Variants in EIF3A observed in about 807,000 individuals in gnomAD.
EIF3A encodes EIF3, p180 subunit.
EIF3A carries 21 observed loss-of-function variants against 186.6 expected under a neutral mutation model. The observed-to-expected ratio is 0.11, with a 90% confidence interval of 0.08 to 0.16. EIF3A has a LOEUF of 0.16. Among genes scored for constraint, EIF3A ranks in the 10% least tolerant of loss-of-function variants. The probability of loss-of-function intolerance (pLI) is 1.00; values close to 1 mark genes in which losing one functional copy is unlikely to be tolerated. For synonymous variants in EIF3A, 563 were observed against 584.3 expected, an observed-to-expected ratio of 0.96 and a Z score of 0.52; for missense variants, 1,306 against 1,796.3, an observed-to-expected ratio of 0.73 and a Z score of 4.93.
rs1316752214 is a variant in EIF3A at position 119,038,562 on chromosome 10, TA to T, written c.3527-124del. ...CTAAATGCTAATTTAAGACACTGAT[TA>T]AAAAAATACTAAAGCTGTGTACATC... On this transcript the variant is annotated intron_variant, in intron 19 of 21. Coordinates refer to ENST00000369144, the MANE Select transcript of EIF3A (RefSeq NM_003750.4). 2.2e-5 allele frequency: 17 copies of T among 779,100 alleles called. 1 individual carries two copies. Among genetic ancestry groups the T allele is most frequent in the South Asian group, 1.6e-4 (9 of 57,172 alleles). The allele number at this position is 779,100 out of a possible 1,614,324, so 48.3% of individuals were successfully genotyped here.
chr10:119,071,502 T>A (rs901357470), intron 4 of EIF3A, among the ~76,000 whole-genome samples: 4 of 152,202 alleles, frequency 2.6e-5, no homozygotes, highest in African/African-American at 9.6e-5. Context: ...AATTGAGGGC[T>A]TATAGTAACC....
chr10:119,052,376 G>GTGTGTGTGTGTGTGTGTGTGTGTC (rs1848369354), intron 14 of EIF3A, among the ~76,000 whole-genome samples: 1 of 148,476 alleles, frequency 6.7e-6, no homozygotes, highest in Non-Finnish European at 1.5e-5. Context: ...TTTTGTGTGT[G>GTGTGTGTGTGTGTGTGTGTGTGTC]TGTGTGTGTG....
chr10:119,050,353 C>A lies in EIF3A; in HGVS notation c.2473+168G>T, dbSNP rs74157622. 7.6e-3 allele frequency among the ~76,000 whole-genome samples: 1,155 copies of A among 152,206 alleles called. 21 individuals are homozygous for A. The highest frequency in any genetic ancestry group is 0.027 in the African/African-American group (1,115 of 41,514). The stretch of plus-strand genomic sequence containing the variant: ...AAATGTGTGGGGAAATGCTGGCAGA[C>A]GATGTAACAACTTCACATACAGCAA... On this transcript the variant is annotated intron_variant, in intron 16 of 21. Transcript: ENST00000369144.
chr10:119,050,502 T>C lies in EIF3A; in HGVS notation c.2473+19A>G. ...CAACCTTGCATTAGCACCCCTCCAA[T>C]CCTGTTTGACCTGTGTACCTTTTAG... On this transcript the variant is annotated intron_variant, in intron 16 of 21. Transcript: ENST00000369144. The C allele has an allele frequency of 6.2e-7, 1 of 1,610,588 alleles. No individual in the cohort carries two copies. Among genetic ancestry groups the C allele is most frequent in the Non-Finnish European group, 8.5e-7 (1 of 1,177,438 alleles).
intron 1 of EIF3A, among the ~76,000 whole-genome samples, chr10:119,078,687 C>A (rs748375603): frequency 2.0e-5 from 3 of 152,146 alleles, no homozygotes; most frequent in Non-Finnish European, 4.4e-5. Context: ...TAAAAAGCTA[C>A]ACAAACAAAA....
rs202038940 is a variant in EIF3A, at chr10:119,044,055, T to G, written c.2746A>C (p.Lys916Gln). ...DSEWRRGPPE[K>Q]EWRRGEGRDE... ...ATTATTTTCCTCAACTCTACTTACTTCTCTGGCGGGCCTCTTCTCCACTCA... is the reference window on the plus strand; with the variant it reads ...ATTATTTTCCTCAACTCTACTTACTGCTCTGGCGGGCCTCTTCTCCACTCA... Residue 916 changes from lysine (K) to glutamine (Q), a missense_variant and splice_region_variant, in exon 18 of 22, where the codon AAG becomes CAG. Transcript: ENST00000369144. The G allele has an allele frequency of 5.6e-6, 9 of 1,610,704 alleles. No individual in the cohort carries two copies. The Admixed American group carries it at 1.0e-4, about 18-fold the overall frequency.
chr10:119,067,789 G>T (rs1213682349), intron 6 of EIF3A, among the ~76,000 whole-genome samples: 2 of 152,086 alleles, frequency 1.3e-5, no homozygotes, highest in South Asian at 2.1e-4. Flanking sequence ...AAAACAGGTG[G>T]TATGTGTGTT....
chr10:119,059,499 A>T, intron 10 of EIF3A, 102 bp from the exon 11 acceptor site: 1 of 1,285,394 alleles, frequency 7.8e-7, no homozygotes, highest in Non-Finnish European at 1.1e-6. Context: ...TTCACTCAGT[A>T]AACTTTAAAA....
At chr10:119,044,209 A>G (rs961938092) in intron 17 of EIF3A, 67 bp from the exon 18 acceptor site, 1 of 1,016,884 alleles carries the variant, frequency 9.8e-7, no homozygotes, top group African/African-American at 1.6e-5. Flanking sequence ...TACTGGTATT[A>G]CCATTCAAAT....
chr10:119,066,531 A>C lies in EIF3A; in HGVS notation c.951-961T>G, dbSNP rs559015268. 3.5e-3 allele frequency among the ~76,000 whole-genome samples: 525 copies of C among 149,744 alleles called. 2 individuals carry two copies. Among genetic ancestry groups the C allele is most frequent in the Middle Eastern group, 0.024 (7 of 288 alleles). ...AAAAAAAAAAAAAAAAAAAAAAAAA[A>C]AAAAAAAACCTAAGGAAGTAAGTGG... On this transcript the variant is annotated intron_variant, in intron 6 of 21. Coordinates refer to ENST00000369144, the MANE Select transcript of EIF3A (RefSeq NM_003750.4).
intron 17 of EIF3A, among the ~76,000 whole-genome samples, chr10:119,047,584 T>C (rs1589687122): frequency 6.6e-6 from 1 of 152,168 alleles, no homozygotes; most frequent in South Asian, 2.1e-4. Flanking sequence ...AGCTTCCTCA[T>C]GTTCCTAAGG....
At chr10:119,050,080 G>T in intron 16 of EIF3A, 95 bp from the exon 17 acceptor site, 1 of 1,193,826 alleles carries the variant, frequency 8.4e-7, no homozygotes, top group Non-Finnish European at 1.2e-6. Context: ...GTAGCATAAT[G>T]TACAAGTAAA....
At chr10:119,072,822 C>T (rs1844100563) in intron 4 of EIF3A, 68 bp downstream of exon 4, 2 of 1,533,832 alleles carry the variant, frequency 1.3e-6, no homozygotes, top group East Asian at 2.3e-5. Context: ...ATTTTAAGTA[C>T]TTTTCAGAAA....
At chr10:119,050,728 A>C in intron 15 of EIF3A, 54 bp from the exon 16 acceptor site, 1 of 1,586,922 alleles carries the variant, frequency 6.3e-7, no homozygotes, top group Non-Finnish European at 8.6e-7. Context: ...CAAGAGCAAC[A>C]AACTCGCAGA....
intron 1 of EIF3A, among the ~76,000 whole-genome samples, chr10:119,076,525 T>C (rs568466871): frequency 3.5e-4 from 50 of 141,928 alleles, no homozygotes; most frequent in African/African-American, 1.2e-3. Context: ...AGATGTAATA[T>C]ATAACTAGAT....
intron 6 of EIF3A, among the ~76,000 whole-genome samples, chr10:119,069,081 G>A (rs958235605): frequency 1.3e-5 from 2 of 151,974 alleles, no homozygotes; most frequent in African/African-American, 4.8e-5. Flanking sequence ...TCCGTTAAAT[G>A]TGTTTTTCCT....
At chr10:119,074,771 T>C (rs1453488162) in intron 1 of EIF3A, among the ~76,000 whole-genome samples, 1 of 151,192 alleles carries the variant, frequency 6.6e-6, no homozygotes, top group Non-Finnish European at 1.5e-5. Flanking sequence ...AAGTCTCTAC[T>C]AAAAATACAA....
intron 7 of EIF3A, among the ~76,000 whole-genome samples, chr10:119,064,595 A>G (rs1206056981): frequency 6.6e-6 from 1 of 151,986 alleles, no homozygotes; most frequent in Non-Finnish European, 1.5e-5. Context: ...CATGATGGTA[A>G]TTTTCCTGAG....
chr10:119,080,772 G>T lies in EIF3A; in HGVS notation c.-96C>A. On this transcript the variant is annotated 5_prime_UTR_variant, in exon 1 of 22. Coordinates refer to ENST00000369144, the MANE Select transcript of EIF3A (RefSeq NM_003750.4). ...GGGGAACCAGCGTAAGGTCCCACGCGCCTCGCCAGCAGTCGCCCGCGCCCA... is the reference window on the plus strand; with the variant it reads ...GGGGAACCAGCGTAAGGTCCCACGCTCCTCGCCAGCAGTCGCCCGCGCCCA... 1 of 1,477,230 alleles carries T rather than the reference G, an allele frequency of 6.8e-7. No individual in the cohort carries two copies. Among genetic ancestry groups the T allele is most frequent in the Non-Finnish European group, 9.0e-7 (1 of 1,110,878 alleles). 91.5% of individuals were successfully genotyped at this position (1,477,230 alleles called of 1,614,324 possible). A position where few individuals can be genotyped will look rare whatever the true frequency, so the allele number is the denominator to read the frequency against.
Sources: gnomAD v4.1 joint callset for allele counts (sites outside exome capture counted in the v4.1 genomes callset) on GRCh38, gnomAD v4.1.1 for gene constraint, MANE v1.5 for transcripts, NCBI Gene and HGNC (gene_info 2026-07-23, HGNC 2026-07-21) for gene names.